The following ADGRL3 variants were observed in gnomAD, a reference collection of about 807,000 sequenced individuals.
ADGRL3 encodes the protein calcium-independent alpha-latrotoxin receptor 3.
In ADGRL3, 62 loss-of-function variants were observed where a neutral mutation model predicts 153.5. The observed-to-expected ratio is 0.40, with a 90% CI of 0.33 to 0.50. ADGRL3 has a LOEUF of 0.50. ADGRL3 is among the 20% of genes least tolerant of loss of function. The pLI is 0.47. For synonymous variants in ADGRL3, 710 were observed against 672.5 expected (o/e 1.06, Z -0.86); for missense variants, 1,641 against 1,859.4 (o/e 0.88, Z 2.16).
At chr4:62,033,279 G>T (rs980812980) in intron 23 of ADGRL3, among the ~76,000 whole-genome samples, 5 of 151,476 alleles carry the variant, frequency 3.3e-5, no homozygotes, top group African/African-American at 1.2e-4. Context: ...TATCAGATAG[G>T]GTTCTATCGA....
intron 8 of ADGRL3, among the ~76,000 whole-genome samples, chr4:61,762,430 G>A (rs920413510): frequency 2.6e-5 from 4 of 152,156 alleles, no homozygotes; most frequent in Non-Finnish European, 5.9e-5. Context: ...TTCCAGGGGT[G>A]CTCTGGGAAA....
chr4:61,886,561 AG>A (rs1362332577), intron 9 of ADGRL3, among the ~76,000 whole-genome samples: 1 of 151,974 alleles, frequency 6.6e-6, no homozygotes, highest in Non-Finnish European at 1.5e-5. Context: ...AGAATAAAAA[AG>A]AAAATTAATA....
At chr4:61,621,677 G>A (rs1183877491) in intron 5 of ADGRL3, among the ~76,000 whole-genome samples, 2 of 151,652 alleles carry the variant, frequency 1.3e-5, no homozygotes, top group Admixed American at 6.6e-5. Flanking sequence ...TCCTCAGTAG[G>A]CTTATTTAGT....
In ADGRL3 at chr4:61,929,869, A is replaced by G. The variant is rs116356666; in HGVS notation, c.2113-4971A>G. On this transcript the variant is annotated intron_variant, in intron 13 of 26. Coordinates refer to ENST00000683033, the MANE Select transcript of ADGRL3 (RefSeq NM_001387552.1). Reference sequence around the variant, plus strand: ...ATTTGAGATAAAACCTGAATGAGCTAGTGACTTAAAAACTTGTCTGCAAGG... The same window carrying G: ...ATTTGAGATAAAACCTGAATGAGCTGGTGACTTAAAAACTTGTCTGCAAGG... Among the ~76,000 whole-genome samples, 685 of 152,280 alleles carry G rather than the reference A, an allele frequency of 4.5e-3. 3 individuals carry two copies. Among genetic ancestry groups the G allele is most frequent in the Non-Finnish European group, 7.9e-3 (535 of 68,018 alleles).
chr4:61,505,860 A>G (rs2098424803), intron 3 of ADGRL3, among the ~76,000 whole-genome samples: 1 of 152,056 alleles, frequency 6.6e-6, no homozygotes, highest in Non-Finnish European at 1.5e-5. Context: ...ATCAGCAGAG[A>G]ACCTGGTGTT....
chr4:61,435,548 C>T (rs756788214), intron 2 of ADGRL3, among the ~76,000 whole-genome samples: 2 of 152,062 alleles, frequency 1.3e-5, no homozygotes, highest in Non-Finnish European at 2.9e-5. Context: ...TGTATATAGA[C>T]TCAGCAGGTC....
In ADGRL3 at chr4:61,983,468, A is replaced by G. The variant is rs779468793; in HGVS notation, c.3101A>G (p.Tyr1034Cys). The change falls in exon 19 of 27, where the codon TAT (tyrosine) becomes TGT (cysteine). Residue 1034 changes from tyrosine to cysteine, a missense_variant. Coordinates refer to ENST00000683033, the MANE Select transcript of ADGRL3 (RefSeq NM_001387552.1). Reference sequence around the variant, plus strand: ...ATGTTCCTGGAGGGGGTGCAGCTTTATATCATGCTGGTGGAGGTTTTTGAG... The same window carrying G: ...ATGTTCCTGGAGGGGGTGCAGCTTTGTATCATGCTGGTGGAGGTTTTTGAG... The part of the protein sequence containing the change: ...TWMFLEGVQL[Y>C]IMLVEVFESE... The G allele has an allele frequency of 1.2e-6, 2 of 1,613,910 alleles. No individual in the cohort carries two copies. Among genetic ancestry groups the G allele is most frequent in the Non-Finnish European group, 1.7e-6 (2 of 1,179,870 alleles).
At chr4:61,857,006 T>TTCTCTCTC (rs1554048323) in intron 9 of ADGRL3, among the ~76,000 whole-genome samples, 28 of 112,724 alleles carry the variant, frequency 2.5e-4, no homozygotes, top group Middle Eastern at 0.01. Flanking sequence ...CTTTCTTTCT[T>TTCTCTCTC]TCTTTCTTTC....
At chr4:61,295,964 G>A (rs1169350839) in intron 1 of ADGRL3, among the ~76,000 whole-genome samples, 3 of 151,970 alleles carry the variant, frequency 2.0e-5, no homozygotes, top group Non-Finnish European at 4.4e-5. Flanking sequence ...AAAAATTAAA[G>A]CAAAACAAAA....
intron 5 of ADGRL3, among the ~76,000 whole-genome samples, chr4:61,596,688 A>G (rs2098990505): frequency 6.6e-6 from 1 of 152,068 alleles, no homozygotes; most frequent in Admixed American, 6.6e-5. Context: ...CCTCGTCTCT[A>G]CCAAAAATTA....
chr4:61,912,831 T>C (rs2098727986), intron 13 of ADGRL3, 74 bp downstream of exon 13: 6 of 1,334,542 alleles, frequency 4.5e-6, no homozygotes, highest in African/African-American at 2.9e-5. Flanking sequence ...GGACACCTGA[T>C]AGAAAAATGA....
At chr4:61,337,463 G>A (rs1046195876) in intron 1 of ADGRL3, among the ~76,000 whole-genome samples, 2 of 152,114 alleles carry the variant, frequency 1.3e-5, no homozygotes. Context: ...CAGCAGACTG[G>A]AGAAATGCTG....
chr4:61,460,611 C>G (rs1360624151), intron 2 of ADGRL3, among the ~76,000 whole-genome samples: 3 of 152,014 alleles, frequency 2.0e-5, no homozygotes, highest in Non-Finnish European at 4.4e-5. Flanking sequence ...TAAAGACATA[C>G]CCGAGACTGG....
intron 5 of ADGRL3, among the ~76,000 whole-genome samples, chr4:61,644,679 A>G (rs2093874633): frequency 6.6e-6 from 1 of 152,098 alleles, no homozygotes; most frequent in Non-Finnish European, 1.5e-5. Flanking sequence ...GTTCTTTTAC[A>G]TTTGCTGAGA....
chr4:61,908,944 A>G (rs776545405), intron 11 of ADGRL3, among the ~76,000 whole-genome samples: 7 of 152,306 alleles, frequency 4.6e-5, no homozygotes, highest in Non-Finnish European at 1.0e-4. Flanking sequence ...CATTTGACAT[A>G]TTCTTGTAGA....
rs568623056 is a variant in ADGRL3, at chr4:61,325,095, C to T, written c.-239-58029C>T. On this transcript the variant is annotated intron_variant, in intron 1 of 26. Transcript: ENST00000683033. The stretch of plus-strand genomic sequence containing the variant: ...TTGGGAAGCTGAAGTGGGTGAATCA[C>T]GAGGTCAGGAGATCGAGACCATCCT... Among the ~76,000 whole-genome samples, 20 of 152,120 alleles carry T rather than the reference C, an allele frequency of 1.3e-4. No homozygotes were observed. The East Asian group carries it at 2.9e-3, about 22-fold the overall frequency.
intron 1 of ADGRL3, among the ~76,000 whole-genome samples, chr4:61,306,861 C>T (rs1272614796): frequency 5.9e-5 from 9 of 152,152 alleles, no homozygotes; most frequent in Non-Finnish European, 1.3e-4. Context: ...TTTTCTAGAA[C>T]TTTATATTAT....
chr4:61,715,784 G>T (rs1256676052), intron 6 of ADGRL3, among the ~76,000 whole-genome samples: 2 of 151,800 alleles, frequency 1.3e-5, no homozygotes, highest in Non-Finnish European at 2.9e-5. Context: ...ATAGAACTTG[G>T]AGAGATGGGC....
intron 9 of ADGRL3, among the ~76,000 whole-genome samples, chr4:61,875,581 G>A (rs1581251573): frequency 6.6e-6 from 1 of 152,200 alleles, no homozygotes; most frequent in South Asian, 2.1e-4. Flanking sequence ...TCTACATAGT[G>A]TTGGAAACTA....
Sources: allele counts gnomAD v4.1 joint callset (sites outside exome capture counted in the v4.1 genomes callset), GRCh38; gene constraint gnomAD v4.1.1; transcripts MANE v1.5; gene names NCBI Gene and HGNC (gene_info 2026-07-23, HGNC 2026-07-21).